The following SKI variants were observed in gnomAD, a reference collection of about 807,000 sequenced individuals.
The protein encoded by SKI is ski oncogene.
In SKI, 23 loss-of-function variants were observed where a neutral mutation model predicts 59.3. The observed-to-expected ratio is 0.39, with a 90% CI of 0.28 to 0.55. The LOEUF (loss-of-function observed/expected upper bound fraction) is 0.55. Among genes scored for constraint, SKI ranks in the 20% least tolerant of loss-of-function variants. SKI has a pLI of 0.67. For synonymous variants in SKI, 673 were observed against 488.6 expected, an observed-to-expected ratio of 1.38 and a Z score of -4.98; for missense variants, 1,017 against 1,038.9, an observed-to-expected ratio of 0.98 and a Z score of 0.29.
rs1411171908 is a variant in SKI, at chr1:2,308,432, T to C, written c.*1667T>C. Reference sequence around the variant, plus strand: ...AAGGGACATCATGTATATGCAGCGTTTGTTTGGAATTTTCTTTGCTTTTGT... The same window carrying C: ...AAGGGACATCATGTATATGCAGCGTCTGTTTGGAATTTTCTTTGCTTTTGT... On this transcript the variant is annotated 3_prime_UTR_variant, in exon 7 of 7. Coordinates refer to ENST00000378536, the MANE Select transcript of SKI (RefSeq NM_003036.4). The C allele has an allele frequency of 6.6e-6, 1 of 152,172 alleles. No individual in the cohort carries two copies. Among genetic ancestry groups the C allele is most frequent in the Non-Finnish European group, 1.5e-5 (1 of 68,022 alleles). 9.4% of individuals were successfully genotyped at this position (152,172 alleles called of 1,614,324 possible).
intron 1 of SKI, among the ~76,000 whole-genome samples, chr1:2,244,737 T>G (rs1638955659): frequency 6.6e-6 from 1 of 152,214 alleles, no homozygotes; most frequent in South Asian, 2.1e-4. Flanking sequence ...GCATATTACA[T>G]TTTCTTATTG....
intron 1 of SKI, among the ~76,000 whole-genome samples, chr1:2,277,819 C>G (rs938986516): frequency 4.9e-5 from 7 of 143,992 alleles, no homozygotes; most frequent in African/African-American, 1.8e-4. Context: ...CACTCACGCA[C>G]ACACCTGCAC....
intron 6 of SKI, 63 bp from the exon 7 acceptor site, chr1:2,306,514 A>G: frequency 1.3e-6 from 2 of 1,483,140 alleles, no homozygotes; most frequent in Non-Finnish European, 1.8e-6. Flanking sequence ...CGGGTGGGGG[A>G]AGCAGCGTCG....
Position 2,304,450 on chromosome 1 carries a change from C to T in SKI, c.1632C>T (p.His544=), listed in dbSNP as rs373914574. Residue 544 remains histidine (H), a synonymous_variant, in exon 5 of 7, where the codon CAC becomes CAT. Transcript: ENST00000378536. The part of the protein sequence containing the change: ...APSGLEAELE[H]LRQALEGGLD... ...GTGGGCTGGAGGCGGAGCTGGAGCACCTGCGGCAGGCACTGGAGGGCGGCC... is the reference window on the plus strand; with the variant it reads ...GTGGGCTGGAGGCGGAGCTGGAGCATCTGCGGCAGGCACTGGAGGGCGGCC... The T allele has an allele frequency of 1.2e-4, 188 of 1,565,246 alleles. No homozygotes were observed. Among genetic ancestry groups the T allele is most frequent in the Non-Finnish European group, 1.6e-4 (183 of 1,156,160 alleles).
chr1:2,258,717 G>C (rs1176136096), intron 1 of SKI, among the ~76,000 whole-genome samples: 1 of 152,070 alleles, frequency 6.6e-6, no homozygotes, highest in Non-Finnish European at 1.5e-5. Flanking sequence ...ACCATGCCCG[G>C]CTAATTTTTT....
chr1:2,292,210 T>C (rs968201027), intron 1 of SKI, among the ~76,000 whole-genome samples: 3 of 152,178 alleles, frequency 2.0e-5, no homozygotes, highest in Non-Finnish European at 4.4e-5. Flanking sequence ...TCCCCACGCC[T>C]CCTTGCCCTG....
At chr1:2,236,290 G>A (rs1359761129) in intron 1 of SKI, among the ~76,000 whole-genome samples, 1 of 152,198 alleles carries the variant, frequency 6.6e-6, no homozygotes, top group Admixed American at 6.5e-5. Context: ...CAGTTTGGGG[G>A]CCAGATTCAA....
chr1:2,285,061 G>C (rs1396095642), intron 1 of SKI, among the ~76,000 whole-genome samples: 2 of 152,206 alleles, frequency 1.3e-5, no homozygotes, highest in Non-Finnish European at 2.9e-5. Flanking sequence ...GAGGCTGGGG[G>C]CAGTCGTGGC....
chr1:2,238,267 G>C (rs1638794426), intron 1 of SKI, among the ~76,000 whole-genome samples: 1 of 152,270 alleles, frequency 6.6e-6, no homozygotes, highest in African/African-American at 2.4e-5. Context: ...CGTGGCAGTG[G>C]ATGGCAGCTC....
chr1:2,282,983 G>T (rs1639943080), intron 1 of SKI, among the ~76,000 whole-genome samples: 2 of 152,168 alleles, frequency 1.3e-5, no homozygotes, highest in African/African-American at 4.8e-5. Flanking sequence ...CCTTGCCGGT[G>T]CTGGGAGACG....
chr1:2,243,847 C>A (rs1356310852), intron 1 of SKI, among the ~76,000 whole-genome samples: 1 of 152,186 alleles, frequency 6.6e-6, no homozygotes, highest in Non-Finnish European at 1.5e-5. Flanking sequence ...TTTGTATGTT[C>A]ACTCAGCTGG....
chr1:2,244,902 T>G (rs1638958937), intron 1 of SKI, among the ~76,000 whole-genome samples: 1 of 152,258 alleles, frequency 6.6e-6, no homozygotes, highest in South Asian at 2.1e-4. Context: ...AATATACTTT[T>G]CTTCAGAAAC....
chr1:2,251,131 TCTC>T (rs1639136866), intron 1 of SKI, among the ~76,000 whole-genome samples: 1 of 151,974 alleles, frequency 6.6e-6, no homozygotes, highest in South Asian at 2.1e-4. Flanking sequence ...GCTGCTGGAG[TCTC>T]GCCTTTCTCC....
rs1329763319 is a variant in SKI at position 2,273,515 on chromosome 1, C to T, written c.970-29463C>T. Among the ~76,000 whole-genome samples the T allele has an allele frequency of 2.0e-5, 3 of 152,260 alleles. No individual in the cohort carries two copies. The East Asian group carries it at 5.8e-4, about 29-fold the overall frequency. ...TGTGATGGAAACGGGAGGGCCTGGC[C>T]CTGCCTCTGTTACTGAGCTTGAGCC... is the stretch of plus-strand genomic sequence containing the variant. On this transcript the variant is annotated intron_variant, in intron 1 of 6. Coordinates refer to ENST00000378536, the MANE Select transcript of SKI (RefSeq NM_003036.4).
At chr1:2,236,245 C>G (rs1390081818) in intron 1 of SKI, among the ~76,000 whole-genome samples, 2 of 152,108 alleles carry the variant, frequency 1.3e-5, no homozygotes, top group South Asian at 2.1e-4. Context: ...GCTTCAGGGG[C>G]TAGGGTTAGG....
At chr1:2,238,188 C>T (rs189575966) in intron 1 of SKI, among the ~76,000 whole-genome samples, 12 of 152,332 alleles carry the variant, frequency 7.9e-5, no homozygotes, top group Admixed American at 2.6e-4. Flanking sequence ...TCAGAGAACC[C>T]GAGCCTTCCT....
At chr1:2,256,127 T>C (rs1639269470) in intron 1 of SKI, among the ~76,000 whole-genome samples, 1 of 151,924 alleles carries the variant, frequency 6.6e-6, no homozygotes, top group South Asian at 2.1e-4. Context: ...TGTCCTGACC[T>C]CTTTTCCAGT....
rs1302334353 is a variant in SKI, at chr1:2,308,047, C to T, written c.*1282C>T. On this transcript the variant is annotated 3_prime_UTR_variant, in exon 7 of 7. Coordinates refer to ENST00000378536, the MANE Select transcript of SKI (RefSeq NM_003036.4). ...CATTTATTCCAAATAATCTCGTTTA[C>T]TCTCACCTGTTTATGCAAATTGTAT... 2.6e-5 allele frequency: 4 copies of T among 152,416 alleles called. No individual in the cohort carries two copies. Among genetic ancestry groups the T allele is most frequent in the Non-Finnish European group, 5.9e-5 (4 of 68,042 alleles). The allele number at this position is 152,416 out of a possible 1,614,324, so 9.4% of individuals were successfully genotyped here.
At chr1:2,246,692 G>A (rs1639004242) in intron 1 of SKI, among the ~76,000 whole-genome samples, 1 of 152,220 alleles carries the variant, frequency 6.6e-6, no homozygotes, top group Admixed American at 6.5e-5. Flanking sequence ...GGGCTTCTGT[G>A]TGATGAAGAG....
Sources: allele counts gnomAD v4.1 joint callset (sites outside exome capture counted in the v4.1 genomes callset), GRCh38; gene constraint gnomAD v4.1.1; transcripts MANE v1.5; gene names NCBI Gene and HGNC (gene_info 2026-07-23, HGNC 2026-07-21).